Variants in FAM221B observed in about 807,000 individuals in gnomAD.
The protein encoded by FAM221B is protein FAM221B.
A neutral mutation model predicts 39.8 loss-of-function variants in FAM221B; 35 were observed. That is an observed-to-expected ratio of 0.88 (90% CI 0.67 to 1.17). The LOEUF is 1.17. Among genes scored for constraint, FAM221B ranks in the 50% most tolerant of loss-of-function variants. The pLI is 0.00. For synonymous variants in FAM221B, 158 were observed against 178.1 expected, an observed-to-expected ratio of 0.89 and a Z score of 0.90; for missense variants, 479 against 503.1, an observed-to-expected ratio of 0.95 and a Z score of 0.46.
At chr9:35,823,207 CT>C (rs569699953) in intron 3 of FAM221B, among the ~76,000 whole-genome samples, 35 of 152,214 alleles carry the variant, frequency 2.3e-4, no homozygotes, top group African/African-American at 8.2e-4. Flanking sequence ...TAAGATGCCC[CT>C]TTTTTTTCTG....
In FAM221B at chr9:35,828,557, C is replaced by T; in HGVS notation, c.-95G>A. 5.1e-6 allele frequency: 5 copies of T among 985,408 alleles called. No homozygotes were observed. The highest frequency in any genetic ancestry group is 6.0e-6 in the Non-Finnish European group (5 of 829,974). The allele number at this position is 985,408 out of a possible 1,614,324, so 61.0% of individuals were successfully genotyped here. ...TGTTGATCCTCAGGGAGGAAAGGCT[C>T]TTGGTTGTGGATGTGCCTCAGCTGC... On this transcript the variant is annotated 5_prime_UTR_variant, in exon 1 of 7. Transcript: ENST00000423537. The surrounding 1 kb of genome is among the most constrained non-coding windows in gnomAD (Gnocchi z 4.5).
chr9:35,825,780 G>C lies in FAM221B; in HGVS notation c.382C>G (p.Leu128Val). The change falls in exon 2 of 7, where the codon CTC becomes GTC. Residue 128 changes from leucine to valine, a missense_variant. Leu to Val is a conservative substitution (Grantham distance 32, BLOSUM62 1). Coordinates refer to ENST00000423537, the MANE Select transcript of FAM221B (RefSeq NM_001012446.4). This position sits in a 1 kb window ranked among gnomAD's most constrained non-coding sequence, Gnocchi z 4.2. ...LSSSDTLKED[L>V]SSESSSNEVP... ...TCATTGGAAGAAGACTCAGAGGAGA[G>C]GTCTTCCTTCAGAGTATCAGAAGAA... is the stretch of plus-strand genomic sequence containing the variant. The C allele has an allele frequency of 6.2e-7, 1 of 1,614,166 alleles. No homozygotes were observed. Among genetic ancestry groups the C allele is most frequent in the Non-Finnish European group, 8.5e-7 (1 of 1,180,000 alleles).
rs769334563 is a variant in FAM221B at position 35,825,200 on chromosome 9, A to C, written c.742+30T>G. The C allele has an allele frequency of 1.9e-6, 3 of 1,613,730 alleles. No individual in the cohort carries two copies. The East Asian group carries it at 6.7e-5, about 36-fold the overall frequency. On this transcript the variant is annotated intron_variant, in intron 3 of 6. Coordinates refer to ENST00000423537, the MANE Select transcript of FAM221B (RefSeq NM_001012446.4). This position sits in a 1 kb window ranked among gnomAD's most constrained non-coding sequence, Gnocchi z 4.2. ...ATTAGAGGATGCCCATGGGCCTGTC[A>C]CAGGCCTCTGAAAGGCCACATGGGC... is the stretch of plus-strand genomic sequence containing the variant.
intron 3 of FAM221B, among the ~76,000 whole-genome samples, chr9:35,824,664 T>G (rs1358129607): frequency 6.6e-6 from 1 of 151,736 alleles, no homozygotes. Flanking sequence ...CTTCTGTTTT[T>G]TTTTGTTTTT....
chr9:35,818,140 G>T lies in FAM221B; in HGVS notation c.*329C>A. On this transcript the variant is annotated 3_prime_UTR_variant, in exon 7 of 7. Coordinates refer to ENST00000423537, the MANE Select transcript of FAM221B (RefSeq NM_001012446.4). Reference sequence around the variant, plus strand: ...CCAGTGTGAAACTGCACTCTCCGATGTTCCCAAAGATCTTCTAATTGCAAA... The same window carrying T: ...CCAGTGTGAAACTGCACTCTCCGATTTTCCCAAAGATCTTCTAATTGCAAA... The T allele has an allele frequency of 3.0e-6, 1 of 335,610 alleles. No individual in the cohort carries two copies. Among genetic ancestry groups the T allele is most frequent in the Non-Finnish European group, 5.6e-6 (1 of 177,154 alleles). The allele number at this position is 335,610 out of a possible 1,614,324, so 20.8% of individuals were successfully genotyped here.
chr9:35,821,470 A>C (rs749939635), intron 3 of FAM221B: 4 of 1,367,896 alleles, frequency 2.9e-6, no homozygotes, highest in Non-Finnish European at 3.9e-6. Context: ...GCCTGTCTAG[A>C]TGTGGCTTTT....
chr9:35,818,815 G>A lies in FAM221B; in HGVS notation c.1171+75C>T, dbSNP rs1829070628. On this transcript the variant is annotated intron_variant, in intron 6 of 6. Coordinates refer to ENST00000423537, the MANE Select transcript of FAM221B (RefSeq NM_001012446.4). ...GCTAGTCCTGGAAGGGATGGTTGAG[G>A]ATGGGAGTGCCTTCCTGCCTGGCCT... 3.9e-6 allele frequency: 6 copies of A among 1,536,854 alleles called. No homozygotes were observed. The East Asian group carries it at 1.5e-4, about 38-fold the overall frequency.
rs1829335463 is a variant in FAM221B, at chr9:35,825,902, G to T, written c.260C>A (p.Thr87Asn). 3 of 1,613,978 alleles carry T rather than the reference G, an allele frequency of 1.9e-6. No homozygotes were observed. The highest frequency in any genetic ancestry group is 1.3e-5 in the African/African-American group (1 of 74,892). ...EPSISETPSE[T>N]PTYEASLDSP... is the part of the protein sequence containing the mutation. ...ATCCAATGAAGCCTCATAGGTAGGGGTCTCTGAAGGAGTCTCAGAGATGGA... is the reference window on the plus strand; with the variant it reads ...ATCCAATGAAGCCTCATAGGTAGGGTTCTCTGAAGGAGTCTCAGAGATGGA... The change falls in exon 2 of 7, where the codon ACC becomes AAC. Residue 87 changes from threonine (T) to asparagine (N), a missense_variant. Physicochemically the swap from Thr to Asn is moderately conservative, Grantham distance 65. Coordinates refer to ENST00000423537, the MANE Select transcript of FAM221B (RefSeq NM_001012446.4). This position sits in a 1 kb window ranked among gnomAD's most constrained non-coding sequence, Gnocchi z 4.2.
chr9:35,821,040 T>C (rs761572006), intron 3 of FAM221B, among the ~76,000 whole-genome samples: 1 of 152,208 alleles, frequency 6.6e-6, no homozygotes, highest in African/African-American at 2.4e-5. Context: ...AACTGAAATG[T>C]CACCTCCACC....
chr9:35,825,767 G>C lies in FAM221B; in HGVS notation c.395C>G (p.Ser132Cys). Residue 132 changes from serine to cysteine, a missense_variant, in exon 2 of 7, where the codon TCT (serine) becomes TGT (cysteine). Ser to Cys is a moderately radical substitution (Grantham distance 112). Coordinates refer to ENST00000423537, the MANE Select transcript of FAM221B (RefSeq NM_001012446.4). The surrounding 1 kb of genome is among the most constrained non-coding windows in gnomAD (Gnocchi z 4.2). ...TGTCCATGGGACCTCATTGGAAGAA[G>C]ACTCAGAGGAGAGGTCTTCCTTCAG... The part of the protein sequence containing the change: ...DTLKEDLSSE[S>C]SSNEVPWTRR... 6.2e-7 allele frequency: 1 copy of C among 1,614,232 alleles called. No homozygotes were observed. The highest frequency in any genetic ancestry group is 8.5e-7 in the Non-Finnish European group (1 of 1,180,044).
chr9:35,821,660 A>T, intron 3 of FAM221B: 1 of 1,358,000 alleles, frequency 7.4e-7, no homozygotes, highest in South Asian at 1.1e-5. Context: ...AAAAAGCAGG[A>T]GGTGAGGCCC....
rs1390895030 is a variant in FAM221B at position 35,816,884 on chromosome 9, C to G, written c.*1585G>C. On this transcript the variant is annotated 3_prime_UTR_variant, in exon 7 of 7. Transcript: ENST00000423537. Reference sequence around the variant, plus strand: ...GAGGAAATGTAGAATGGCCTCTTCTCTGGGCCCCAGAGGCTGCAGTTCTCT... The same window carrying G: ...GAGGAAATGTAGAATGGCCTCTTCTGTGGGCCCCAGAGGCTGCAGTTCTCT... 2 of 152,174 alleles carry G rather than the reference C, an allele frequency of 1.3e-5. No homozygotes were observed. Among genetic ancestry groups the G allele is most frequent in the East Asian group, 3.8e-4 (2 of 5,202 alleles). The allele number at this position is 152,174 out of a possible 1,614,324, so 9.4% of individuals were successfully genotyped here.
rs940521288 is a variant in FAM221B at position 35,825,607 on chromosome 9, G to A, written c.555C>T (p.Ala185=). The change falls in exon 2 of 7, where the codon GCC becomes GCT. Residue 185 remains alanine, a synonymous_variant. Coordinates refer to ENST00000423537, the MANE Select transcript of FAM221B (RefSeq NM_001012446.4). The surrounding 1 kb of genome is among the most constrained non-coding windows in gnomAD (Gnocchi z 4.2). Reference sequence around the variant, plus strand: ...GGGCTGTGTGAGCAGTGCTGTCACTGGCATCTACTCCCTTTTCAACCTCTC... The same window carrying A: ...GGGCTGTGTGAGCAGTGCTGTCACTAGCATCTACTCCCTTTTCAACCTCTC... The part of the protein sequence containing the change: ...EAGEVEKGVD[A]SDSTAHTAQP... 1.2e-6 allele frequency: 2 copies of A among 1,613,934 alleles called. No homozygotes were observed. Among genetic ancestry groups the A allele is most frequent in the Admixed American group, 3.3e-5 (2 of 60,010 alleles).
At position 35,826,089 on chromosome 9, in the gene FAM221B, G is replaced by T; in HGVS notation, c.73C>A (p.Pro25Thr). ...DAEKHPPSKD[P>T]SAEDLQENHI... ...TTCTCCTGTAAGTCCTCAGCAGAGG[G>T]GTCCTTTGAAGGGGGGTGCTTCTCT... Residue 25 changes from proline (P) to threonine (T), a missense_variant, in exon 2 of 7, where the codon CCC (proline) becomes ACC (threonine). Pro to Thr is a conservative substitution (Grantham distance 38). Coordinates refer to ENST00000423537, the MANE Select transcript of FAM221B (RefSeq NM_001012446.4). The T allele has an allele frequency of 6.2e-7, 1 of 1,613,412 alleles. No individual in the cohort carries two copies. Among genetic ancestry groups the T allele is most frequent in the Non-Finnish European group, 8.5e-7 (1 of 1,179,714 alleles).
intron 3 of FAM221B, among the ~76,000 whole-genome samples, chr9:35,821,122 C>T (rs541870658): frequency 6.6e-6 from 1 of 152,348 alleles, no homozygotes; most frequent in South Asian, 2.1e-4. Flanking sequence ...TTGTGCTACT[C>T]CTGTTGCAGT....
chr9:35,819,842 TAC>T (rs761936475), intron 4 of FAM221B, 46 bp downstream of exon 4: 32 of 1,139,776 alleles, frequency 2.8e-5, no homozygotes, highest in Non-Finnish European at 3.9e-5. Context: ...CATGACAGAG[TAC>T]AGTTATTCCT....
At chr9:35,819,479 C>T (rs141082193) in intron 4 of FAM221B, 85 bp from the exon 5 acceptor site, 19 of 1,245,952 alleles carry the variant, frequency 1.5e-5, no homozygotes, top group African/African-American at 3.1e-5. Context: ...CCCACCACCC[C>T]CTATGCACGC....
intron 1 of FAM221B, among the ~76,000 whole-genome samples, chr9:35,827,586 C>T (rs1224619138): frequency 1.3e-5 from 2 of 152,166 alleles, no homozygotes; most frequent in Admixed American, 6.5e-5. Flanking sequence ...TCCTTCCTGA[C>T]CCAATCAGGA....
Position 35,825,873 on chromosome 9 carries a change from G to A in FAM221B, c.289C>T (p.Pro97Ser). ...TPTYEASLDS[P>S]ISVVPEKHLT... is the part of the protein sequence containing the mutation. ...TGTTTCTCTGGCACCACTGAGATGG[G>A]ACTATCCAATGAAGCCTCATAGGTA... The change falls in exon 2 of 7, where the codon CCC becomes TCC. Residue 97 changes from proline to serine, a missense_variant. By Grantham distance (74) the Pro-to-Ser change is moderately conservative. Coordinates refer to ENST00000423537, the MANE Select transcript of FAM221B (RefSeq NM_001012446.4). This position sits in a 1 kb window ranked among gnomAD's most constrained non-coding sequence, Gnocchi z 4.2. 6.2e-7 allele frequency: 1 copy of A among 1,614,150 alleles called. No individual in the cohort carries two copies. Among genetic ancestry groups the A allele is most frequent in the South Asian group, 1.1e-5 (1 of 91,078 alleles).
Sources: allele counts gnomAD v4.1 joint callset (sites outside exome capture counted in the v4.1 genomes callset), GRCh38; gene constraint gnomAD v4.1.1; non-coding constraint Gnocchi (gnomAD v3.1); transcripts MANE v1.5; gene names NCBI Gene and HGNC (gene_info 2026-07-23, HGNC 2026-07-21).